Variants in FHIT observed in about 807,000 individuals in gnomAD.
The protein encoded by FHIT is bis(5'-adenosyl)-triphosphatase.
A neutral mutation model predicts 17.9 loss-of-function variants in FHIT; 19 were observed. That is an observed-to-expected ratio of 1.06 (90% CI 0.74 to 1.56). The LOEUF (loss-of-function observed/expected upper bound fraction) is 1.56, where lower values mean the gene tolerates loss of function less well. Ranked by LOEUF, FHIT falls within the 40% of genes most tolerant of loss-of-function variation. The pLI, the probability that FHIT is intolerant of heterozygous loss-of-function variation, is 0.00. For synonymous variants in FHIT, 81 were observed against 69.7 expected (o/e 1.16, Z -0.81); for missense variants, 248 against 189.2 (o/e 1.31, Z -1.82).
chr3:60,610,299 T>C (rs2038745718), intron 4 of FHIT, among the ~76,000 whole-genome samples: 1 of 152,188 alleles, frequency 6.6e-6, no homozygotes. Context: ...TAAATATTTA[T>C]ACAGTGCTTC....
chr3:60,594,009 C>T (rs1559565643), intron 4 of FHIT, among the ~76,000 whole-genome samples: 1 of 152,098 alleles, frequency 6.6e-6, no homozygotes, highest in Non-Finnish European at 1.5e-5. Context: ...AGTAATTAGG[C>T]TTCTCTGAAA....
intron 5 of FHIT, among the ~76,000 whole-genome samples, chr3:60,493,740 T>G (rs2034166751): frequency 6.6e-6 from 1 of 152,190 alleles, no homozygotes. Flanking sequence ...ATTTGGAATA[T>G]TCAAACGAGA....
chr3:60,462,270 A>C (rs1360724533), intron 5 of FHIT, among the ~76,000 whole-genome samples: 1 of 152,148 alleles, frequency 6.6e-6, no homozygotes, highest in African/African-American at 2.4e-5. Flanking sequence ...CACACCTTTA[A>C]GAATGAGGTA....
At chr3:60,009,007 C>G (rs143200610) in intron 7 of FHIT, among the ~76,000 whole-genome samples, 81 of 152,296 alleles carry the variant, frequency 5.3e-4, no homozygotes, top group African/African-American at 1.8e-3. Flanking sequence ...GGAATAAGAA[C>G]TGAGAATCAA....
At chr3:61,049,422 G>A (rs2033942040) in intron 2 of FHIT, among the ~76,000 whole-genome samples, 1 of 151,862 alleles carries the variant, frequency 6.6e-6, no homozygotes, top group South Asian at 2.1e-4. Context: ...CTGCTATTTT[G>A]CATCCCCTAA....
intron 5 of FHIT, among the ~76,000 whole-genome samples, chr3:60,418,728 C>T (rs1702360011): frequency 6.6e-6 from 1 of 150,626 alleles, no homozygotes; most frequent in African/African-American, 2.4e-5. Context: ...TACTGCACTC[C>T]AGCATGGGGA....
At chr3:59,993,511 G>T (rs12152244) in intron 7 of FHIT, among the ~76,000 whole-genome samples, 24,596 of 151,828 alleles carry the variant, frequency 0.16, 2,135 homozygotes, top group South Asian at 0.23. Context: ...AACCCCAATT[G>T]GCAAACAGCC....
intron 4 of FHIT, among the ~76,000 whole-genome samples, chr3:60,710,740 A>G (rs1577099070): frequency 1.3e-5 from 2 of 152,332 alleles, no homozygotes; most frequent in East Asian, 1.9e-4. Flanking sequence ...GCCATTGCCC[A>G]GGCTCACTTA....
intron 5 of FHIT, among the ~76,000 whole-genome samples, chr3:60,418,382 A>G (rs1209847694): frequency 0.011 from 57 of 5,038 alleles, 3 homozygotes; most frequent in Middle Eastern, 0.083. Context: ...GTGTGTATAT[A>G]TATATATATA....
chr3:61,118,115 G>T (rs191002523), intron 2 of FHIT, among the ~76,000 whole-genome samples: 1 of 152,232 alleles, frequency 6.6e-6, no homozygotes, highest in East Asian at 1.9e-4. Context: ...TCAAAATAAT[G>T]TTGTAGTATA....
At chr3:60,451,884 A>G (rs995674015) in intron 5 of FHIT, among the ~76,000 whole-genome samples, 4 of 152,136 alleles carry the variant, frequency 2.6e-5, no homozygotes, top group Non-Finnish European at 5.9e-5. Context: ...TATGAAGATG[A>G]CTTAAAGATA....
intron 5 of FHIT, among the ~76,000 whole-genome samples, chr3:60,387,893 T>C (rs1017063426): frequency 6.6e-6 from 1 of 152,050 alleles, no homozygotes; most frequent in Admixed American, 6.5e-5. Context: ...CCCACAGAGA[T>C]GGTTTGGTGC....
intron 5 of FHIT, among the ~76,000 whole-genome samples, chr3:60,532,145 A>T (rs962434802): frequency 6.6e-6 from 1 of 152,182 alleles, no homozygotes; most frequent in Non-Finnish European, 1.5e-5. Context: ...TGATTTGTAG[A>T]ATACAGTATG....
At chr3:60,326,162 G>C (rs912946822) in intron 5 of FHIT, among the ~76,000 whole-genome samples, 1 of 151,878 alleles carries the variant, frequency 6.6e-6, no homozygotes, top group African/African-American at 2.4e-5. Context: ...CTGGCAGGGG[G>C]GTGGTGATGG....
intron 1 of FHIT, among the ~76,000 whole-genome samples, chr3:61,234,439 G>T (rs2040180397): frequency 6.6e-6 from 1 of 152,056 alleles, no homozygotes. Flanking sequence ...TAATGCCATG[G>T]GAAAATGCAT....
intron 5 of FHIT, among the ~76,000 whole-genome samples, chr3:60,329,724 A>G (rs1192489984): frequency 6.6e-6 from 1 of 152,236 alleles, no homozygotes; most frequent in Non-Finnish European, 1.5e-5. Context: ...AAAGCCAGTC[A>G]GCTCTGGTAG....
intron 5 of FHIT, among the ~76,000 whole-genome samples, chr3:60,494,546 C>G (rs1303165972): frequency 1.3e-5 from 2 of 152,070 alleles, no homozygotes; most frequent in African/African-American, 4.8e-5. Context: ...GTTGCGCTAT[C>G]AAATACTAGG....
rs146702093 is a variant in FHIT at position 60,498,608 on chromosome 3, T to C, written c.103+38252A>G. 2.2e-4 allele frequency among the ~76,000 whole-genome samples: 33 copies of C among 152,302 alleles called. 1 individual carries two copies. The East Asian group carries it at 6.4e-3, about 29-fold the overall frequency. On this transcript the variant is annotated intron_variant, in intron 5 of 9. Coordinates refer to ENST00000492590, the MANE Select transcript of FHIT (RefSeq NM_002012.4). ...GTTATTCGACAACCTAATGATATCA[T>C]GGTGTGTAGCTTCAATCCATCTGTC...
At chr3:61,136,384 T>A (rs1335673811) in intron 2 of FHIT, among the ~76,000 whole-genome samples, 1 of 152,150 alleles carries the variant, frequency 6.6e-6, no homozygotes, top group Non-Finnish European at 1.5e-5. Context: ...AAAAACTTGA[T>A]TTGGAACCTG....
Sources: gnomAD v4.1 joint callset for allele counts (sites outside exome capture counted in the v4.1 genomes callset) on GRCh38, gnomAD v4.1.1 for gene constraint, MANE v1.5 for transcripts, NCBI Gene and HGNC (gene_info 2026-07-23, HGNC 2026-07-21) for gene names.